The following SLC22A4 variants were observed in gnomAD, a reference collection of about 807,000 sequenced individuals.
SLC22A4 encodes ET transporter.
Under a neutral mutation model 56.6 loss-of-function variants are expected in SLC22A4, and 39 were observed. The ratio of observed to expected loss-of-function variants is 0.69; its 90% confidence interval spans 0.53 to 0.90. The LOEUF is 0.90. Ranked by LOEUF, SLC22A4 falls within the 40% of genes least tolerant of loss-of-function variation. The probability of loss-of-function intolerance (pLI) is 0.00; values close to 1 mark genes in which losing one functional copy is unlikely to be tolerated. For synonymous variants in SLC22A4, 241 were observed against 281.4 expected (o/e 0.86, Z 1.44); for missense variants, 594 against 696.5 (o/e 0.85, Z 1.66).
intron 1 of SLC22A4, 156 bp downstream of exon 1, chr5:132,295,165 G>A: frequency 6.8e-6 from 6 of 877,818 alleles, no homozygotes; most frequent in Admixed American, 2.0e-5. Flanking sequence ...CCCCAAGAAA[G>A]AATAGGACTC....
At chr5:132,334,653 T>G (rs1299869141) in intron 6 of SLC22A4, 65 bp from the exon 7 acceptor site, 1 of 1,117,096 alleles carries the variant, frequency 9.0e-7, no homozygotes, top group African/African-American at 1.5e-5. Context: ...GAGAATTTCT[T>G]GACCATCATA....
chr5:132,338,232 CT>C (rs1489739741), intron 8 of SLC22A4, among the ~76,000 whole-genome samples: 1 of 152,138 alleles, frequency 6.6e-6, no homozygotes. Flanking sequence ...ATGATGCCCC[CT>C]GAGCCATAAA....
intron 5 of SLC22A4, among the ~76,000 whole-genome samples, chr5:132,328,101 G>A (rs574843405): frequency 6.6e-6 from 1 of 152,322 alleles, no homozygotes; most frequent in African/African-American, 2.4e-5. Flanking sequence ...TGGCATAAGG[G>A]AGGAAATGGT....
chr5:132,329,082 C>T (rs538176881), intron 5 of SLC22A4, among the ~76,000 whole-genome samples: 2 of 151,918 alleles, frequency 1.3e-5, no homozygotes, highest in East Asian at 3.9e-4. Context: ...ACTACAGGCA[C>T]TTGCCACCAA....
rs192470562 is a variant in SLC22A4 at position 132,308,582 on chromosome 5, T to C, written c.394-3579T>C. Among the ~76,000 whole-genome samples, 508 of 152,056 alleles carry C rather than the reference T, an allele frequency of 3.3e-3. 4 individuals carry two copies. Among genetic ancestry groups the C allele is most frequent in the African/African-American group, 0.012 (483 of 41,464 alleles). ...ACACTGTTACTGTCTTTCCCATTACTCCCTTTACTATAGGGAGCCATGGGA... is the reference window on the plus strand; with the variant it reads ...ACACTGTTACTGTCTTTCCCATTACCCCCTTTACTATAGGGAGCCATGGGA... On this transcript the variant is annotated intron_variant, in intron 1 of 9. Transcript: ENST00000200652.
chr5:132,340,595 T>A lies in SLC22A4; in HGVS notation c.1475T>A (p.Val492Asp), dbSNP rs767034234. The A allele has an allele frequency of 6.2e-7, 1 of 1,614,040 alleles. No homozygotes were observed. Among genetic ancestry groups the A allele is most frequent in the Non-Finnish European group, 8.5e-7 (1 of 1,179,904 alleles). Residue 492 changes from valine to aspartate, a missense_variant, in exon 9 of 10, where the codon GTC (valine) becomes GAC (aspartate). Coordinates refer to ENST00000200652, the MANE Select transcript of SLC22A4 (RefSeq NM_003059.3). ...GAYNRMLPYI[V>D]MGSLTVLIGI... ...TACAACAGAATGCTGCCCTACATCG[T>A]CATGGGTAGTCTGACTGTCCTGATT...
intron 5 of SLC22A4, among the ~76,000 whole-genome samples, chr5:132,328,606 T>C (rs945922488): frequency 2.1e-4 from 31 of 148,918 alleles, no homozygotes; most frequent in Non-Finnish European, 3.7e-4. Flanking sequence ...AACAACAACA[T>C]TGGGAGTGTC....
intron 4 of SLC22A4, among the ~76,000 whole-genome samples, chr5:132,326,319 CA>C (rs1173711978): frequency 6.6e-6 from 1 of 152,194 alleles, no homozygotes; most frequent in Non-Finnish European, 1.5e-5. Context: ...TTTTCTAACA[CA>C]AAACCTATTT....
intron 1 of SLC22A4, among the ~76,000 whole-genome samples, chr5:132,302,249 C>T (rs530096211): frequency 2.0e-5 from 3 of 152,104 alleles, no homozygotes; most frequent in Non-Finnish European, 4.4e-5. Flanking sequence ...CTTTGTCCAT[C>T]CCTCTTGGTG....
chr5:132,320,588 G>A (rs990177892), intron 3 of SLC22A4, among the ~76,000 whole-genome samples: 1 of 152,200 alleles, frequency 6.6e-6, no homozygotes, highest in Non-Finnish European at 1.5e-5. Flanking sequence ...ACAAAGTACT[G>A]GCTGTTTCTA....
At chr5:132,340,165 T>C (rs1430983477) in intron 8 of SLC22A4, among the ~76,000 whole-genome samples, 2 of 144,142 alleles carry the variant, frequency 1.4e-5, no homozygotes, top group African/African-American at 5.1e-5. Flanking sequence ...ATGCCAGACC[T>C]ATCATAGCCA....
chr5:132,306,449 T>A (rs1156729793), intron 1 of SLC22A4, among the ~76,000 whole-genome samples: 1 of 111,214 alleles, frequency 9.0e-6, no homozygotes, highest in Non-Finnish European at 1.8e-5. Context: ...ATATAGTTGT[T>A]GTTGTTGTTG....
intron 8 of SLC22A4, among the ~76,000 whole-genome samples, chr5:132,340,140 G>A (rs555526991): frequency 6.8e-4 from 92 of 135,110 alleles, no homozygotes; most frequent in African/African-American, 1.9e-3. Flanking sequence ...TACTAGTTTG[G>A]GCAAAAGCAG....
chr5:132,307,012 T>A (rs1432952694), intron 1 of SLC22A4, among the ~76,000 whole-genome samples: 1 of 152,216 alleles, frequency 6.6e-6, no homozygotes, highest in African/African-American at 2.4e-5. Context: ...TGATGAAAAT[T>A]CTAAAATCAG....
intron 4 of SLC22A4, among the ~76,000 whole-genome samples, chr5:132,324,063 G>A (rs1232924491): frequency 1.3e-5 from 2 of 152,076 alleles, no homozygotes; most frequent in Non-Finnish European, 2.9e-5. Context: ...GCAGTGGTGA[G>A]CGCCTGTAGT....
intron 2 of SLC22A4, among the ~76,000 whole-genome samples, chr5:132,312,987 TGAA>T (rs1750225486): frequency 1.3e-5 from 2 of 152,342 alleles, no homozygotes; most frequent in South Asian, 4.1e-4. Flanking sequence ...TACCAGAATG[TGAA>T]GATAATACTT....
chr5:132,303,355 T>C (rs1264942610), intron 1 of SLC22A4, among the ~76,000 whole-genome samples: 1 of 152,144 alleles, frequency 6.6e-6, no homozygotes, highest in Non-Finnish European at 1.5e-5. Flanking sequence ...ATATATTTAT[T>C]CAAGAAAGTC....
chr5:132,294,530 C>A lies in SLC22A4; in HGVS notation c.-87C>A. 1 of 1,588,676 alleles carries A rather than the reference C, an allele frequency of 6.3e-7. No individual in the cohort carries two copies. Among genetic ancestry groups the A allele is most frequent in the Non-Finnish European group, 8.6e-7 (1 of 1,161,764 alleles). On this transcript the variant is annotated 5_prime_UTR_variant, in exon 1 of 10. Coordinates refer to ENST00000200652, the MANE Select transcript of SLC22A4 (RefSeq NM_003059.3). This position sits in a 1 kb window ranked among gnomAD's most constrained non-coding sequence, Gnocchi z 5.6. Reference sequence around the variant, plus strand: ...CTGTCCCCCGGGAACGTTCTAACATCCTTGGGGAGCGCCCCAGCTACAAGA... The same window carrying A: ...CTGTCCCCCGGGAACGTTCTAACATACTTGGGGAGCGCCCCAGCTACAAGA...
At chr5:132,329,339 T>G (rs1750788322) in intron 5 of SLC22A4, among the ~76,000 whole-genome samples, 2 of 151,994 alleles carry the variant, frequency 1.3e-5, no homozygotes. Flanking sequence ...GGCCTGGTCA[T>G]CTCCCCTGCT....
Sources: gnomAD v4.1 joint callset for allele counts (sites outside exome capture counted in the v4.1 genomes callset) on GRCh38, gnomAD v4.1.1 for gene constraint, Gnocchi (gnomAD v3.1) non-coding constraint, MANE v1.5 for transcripts, NCBI Gene and HGNC (gene_info 2026-07-23, HGNC 2026-07-21) for gene names.